The following RCVRN variants were observed in gnomAD, a reference collection of about 807,000 sequenced individuals.
RCVRN encodes the protein recoverin.
RCVRN carries 23 observed loss-of-function variants against 20.4 expected under a neutral mutation model. That is an observed-to-expected ratio of 1.13 (90% CI 0.81 to 1.60). The LOEUF (loss-of-function observed/expected upper bound fraction) is 1.60, where lower values mean the gene tolerates loss of function less well. Among genes scored for constraint, RCVRN ranks in the 40% most tolerant of loss-of-function variants. RCVRN has a pLI of 0.00. For synonymous variants in RCVRN, 105 were observed against 105.9 expected (o/e 0.99, Z 0.05); for missense variants, 254 against 254.2 (o/e 1.00, Z 0.00).
Position 9,897,999 on chromosome 17 carries a change from T to TGTGGGTGTGC in RCVRN, c.*95_*96insGCACACCCAC. ...TGGGGTGGATGTGTGTGTGTGTGTG[T>TGTGGGTGTGC]GCGCGCGCGTGTGTGTGCATGTGTG... is the stretch of plus-strand genomic sequence containing the variant. On this transcript the variant is annotated 3_prime_UTR_variant, in exon 3 of 3. Transcript: ENST00000226193. 1 of 731,044 alleles carries TGTGGGTGTGC rather than the reference T, an allele frequency of 1.4e-6. No homozygotes were observed. The allele number at this position is 731,044 out of a possible 1,614,324, so 45.3% of individuals were successfully genotyped here.
At chr17:9,902,217 A>T (rs932531534) in intron 1 of RCVRN, among the ~76,000 whole-genome samples, 1 of 151,814 alleles carries the variant, frequency 6.6e-6, no homozygotes, top group African/African-American at 2.4e-5. Flanking sequence ...CACTCTGAAG[A>T]CTTAGTCCCT....
chr17:9,903,430 C>T (rs1252661631), intron 1 of RCVRN, among the ~76,000 whole-genome samples: 4 of 152,202 alleles, frequency 2.6e-5, no homozygotes, highest in South Asian at 2.1e-4. Flanking sequence ...AGCCACGCCG[C>T]GCGTGGGAAG....
At position 9,896,410 on chromosome 17, in the gene RCVRN, TG is replaced by T. The variant is rs1450698928; in HGVS notation, c.*1684del. The T allele has an allele frequency of 6.6e-6, 1 of 152,200 alleles. No homozygotes were observed. The highest frequency in any genetic ancestry group is 1.5e-5 in the Non-Finnish European group (1 of 68,060). The allele number at this position is 152,200 out of a possible 1,614,324, so 9.4% of individuals were successfully genotyped here. A position where few individuals can be genotyped will look rare whatever the true frequency, so the allele number is the denominator to read the frequency against. ...GATTGTGTCATCTCTGTGGCTAAAG[TG>T]GGGTCTGGAGGCATCACCACAATAC... On this transcript the variant is annotated 3_prime_UTR_variant, in exon 3 of 3. Transcript: ENST00000226193.
chr17:9,900,924 G>A, intron 2 of RCVRN, 65 bp downstream of exon 2: 2 of 979,408 alleles, frequency 2.0e-6, no homozygotes, highest in Non-Finnish European at 3.2e-6. Flanking sequence ...AATAAATCTT[G>A]TTGGGATTTC....
In RCVRN at chr17:9,904,310, A is replaced by G. The variant is rs2067353625; in HGVS notation, c.381+490T>C. On this transcript the variant is annotated intron_variant, in intron 1 of 2. Transcript: ENST00000226193. This position sits in a 1 kb window ranked among gnomAD's most constrained non-coding sequence, Gnocchi z 5.8. ...TGTCTAGGGCACTCACCATGAGTGG[A>G]GCTTGCAGGACTGGGAGTTGCTCTG... Among the ~76,000 whole-genome samples the G allele has an allele frequency of 6.6e-6, 1 of 152,220 alleles. No homozygotes were observed. Among genetic ancestry groups the G allele is most frequent in the Non-Finnish European group, 1.5e-5 (1 of 68,044 alleles).
chr17:9,900,295 C>T (rs76717417), intron 2 of RCVRN, among the ~76,000 whole-genome samples: 1 of 152,272 alleles, frequency 6.6e-6, no homozygotes, highest in African/African-American at 2.4e-5. Flanking sequence ...CCCCAGCAGC[C>T]GAGTGCTGGA....
rs2152053652 is a variant in RCVRN at position 9,896,990 on chromosome 17, C to T, written c.*1105G>A. On this transcript the variant is annotated 3_prime_UTR_variant, in exon 3 of 3. Coordinates refer to ENST00000226193, the MANE Select transcript of RCVRN (RefSeq NM_002903.3). ...TCACTGGATCTGGTCCTCTCCATCC[C>T]ATTGCCTTTCCCCTGGCCCAGGCCA... is the stretch of plus-strand genomic sequence containing the variant. 6.6e-6 allele frequency: 1 copy of T among 152,526 alleles called. No individual in the cohort carries two copies. Among genetic ancestry groups the T allele is most frequent in the East Asian group, 1.9e-4 (1 of 5,154 alleles). 9.4% of individuals were successfully genotyped at this position (152,526 alleles called of 1,614,324 possible). A position where few individuals can be genotyped will look rare whatever the true frequency, so the allele number is the denominator to read the frequency against.
rs8081471 is a variant in RCVRN, at chr17:9,899,666, C to T, written c.493+1323G>A. ...AGTGCTCAAAGGTGAGGGGCCAATCCGGGCCGATGAGGGAAAGGTGGGTAA... is the reference window on the plus strand; with the variant it reads ...AGTGCTCAAAGGTGAGGGGCCAATCTGGGCCGATGAGGGAAAGGTGGGTAA... On this transcript the variant is annotated intron_variant, in intron 2 of 2. Transcript: ENST00000226193. This position sits in a 1 kb window ranked among gnomAD's most constrained non-coding sequence, Gnocchi z 4.6. Among the ~76,000 whole-genome samples, 2 of 151,916 alleles carry T rather than the reference C, an allele frequency of 1.3e-5. No individual in the cohort carries two copies. Among genetic ancestry groups the T allele is most frequent in the Non-Finnish European group, 2.9e-5 (2 of 67,978 alleles).
At chr17:9,901,684 G>A (rs986496363) in intron 1 of RCVRN, among the ~76,000 whole-genome samples, 1 of 152,334 alleles carries the variant, frequency 6.6e-6, no homozygotes, top group East Asian at 1.9e-4. Flanking sequence ...CATCTGTGCA[G>A]GGCCTTGGGC....
Position 9,897,780 on chromosome 17 carries a change from A to G in RCVRN, c.*315T>C. On this transcript the variant is annotated 3_prime_UTR_variant, in exon 3 of 3. Transcript: ENST00000226193. ...ACAAAGGAGCTTACAGCGGGGTGAC[A>G]CTTAGGACTCCTATGGCCTAATCCT... 3.7e-6 allele frequency: 1 copy of G among 266,838 alleles called. No individual in the cohort carries two copies. Among genetic ancestry groups the G allele is most frequent in the Non-Finnish European group, 7.1e-6 (1 of 140,364 alleles). The allele number at this position is 266,838 out of a possible 1,614,324, so 16.5% of individuals were successfully genotyped here.
chr17:9,901,796 A>G (rs1319407497), intron 1 of RCVRN, among the ~76,000 whole-genome samples: 1 of 152,198 alleles, frequency 6.6e-6, no homozygotes, highest in East Asian at 1.9e-4. Flanking sequence ...AAGACTGCAA[A>G]AATAATCAAA....
chr17:9,902,171 T>C (rs1019561194), intron 1 of RCVRN, among the ~76,000 whole-genome samples: 10 of 151,126 alleles, frequency 6.6e-5, no homozygotes, highest in African/African-American at 9.7e-5. Context: ...TGAGTATCAA[T>C]TTGTAGGCTT....
chr17:9,898,251 G>T, intron 2 of RCVRN, 47 bp from the exon 3 acceptor site: 1 of 1,194,428 alleles, frequency 8.4e-7, no homozygotes, highest in Non-Finnish European at 1.3e-6. Flanking sequence ...AGTCAGGATT[G>T]ATAGCCAAGT....
chr17:9,901,338 T>G (rs549455914), intron 1 of RCVRN: 1 of 383,402 alleles, frequency 2.6e-6, no homozygotes, highest in Non-Finnish European at 4.7e-6. Context: ...TAAACCAGAA[T>G]AAACAAGCAG....
Position 9,904,691 on chromosome 17 carries a change from C to T in RCVRN, c.381+109G>A, listed in dbSNP as rs541212634. 30 of 1,293,158 alleles carry T rather than the reference C, an allele frequency of 2.3e-5. No homozygotes were observed. In the East Asian group the frequency reaches 7.0e-4, roughly 30 times the overall value. 80.1% of individuals were successfully genotyped at this position (1,293,158 alleles called of 1,614,324 possible). On this transcript the variant is annotated intron_variant, in intron 1 of 2. Coordinates refer to ENST00000226193, the MANE Select transcript of RCVRN (RefSeq NM_002903.3). The surrounding 1 kb of genome is among the most constrained non-coding windows in gnomAD (Gnocchi z 5.8). ...CGCTCTCAGAGCCAGTGGCCCGCAT[C>T]CCCCGCTCCACCCACAGATCCACTC...
rs116630667 is a variant in RCVRN, at chr17:9,896,345, C to T, written c.*1750G>A. The T allele has an allele frequency of 5.7e-3, 863 of 152,278 alleles. 7 individuals carry two copies. The highest frequency in any genetic ancestry group is 0.02 in the African/African-American group (819 of 41,546). The allele number at this position is 152,278 out of a possible 1,614,324, so 9.4% of individuals were successfully genotyped here. A position where few individuals can be genotyped will look rare whatever the true frequency, so the allele number is the denominator to read the frequency against. ...CACGGTTCATAAGTGTTTATTCTCA[C>T]GTTTGCTCTCCACACAGAGGAGTGC... On this transcript the variant is annotated 3_prime_UTR_variant, in exon 3 of 3. Transcript: ENST00000226193.
chr17:9,900,148 C>T (rs1417078946), intron 2 of RCVRN, among the ~76,000 whole-genome samples: 2 of 152,190 alleles, frequency 1.3e-5, no homozygotes, highest in Non-Finnish European at 2.9e-5. Context: ...TGCCAATCCC[C>T]ACTGCTTGTA....
Position 9,898,055 on chromosome 17 carries a change from G to A in RCVRN, c.*40C>T. 8 of 1,378,072 alleles carry A rather than the reference G, an allele frequency of 5.8e-6. No individual in the cohort carries two copies. In the South Asian group the frequency reaches 9.3e-5, roughly 16 times the overall value. 85.4% of individuals were successfully genotyped at this position (1,378,072 alleles called of 1,614,324 possible). On this transcript the variant is annotated 3_prime_UTR_variant, in exon 3 of 3. Coordinates refer to ENST00000226193, the MANE Select transcript of RCVRN (RefSeq NM_002903.3). Reference sequence around the variant, plus strand: ...GTGCACAGGCGCTCACGGGTGTCATGTGAGTGGTAGGTGGAGGGAGGACAG... The same window carrying A: ...GTGCACAGGCGCTCACGGGTGTCATATGAGTGGTAGGTGGAGGGAGGACAG...
At chr17:9,901,138 C>A (rs747089575) in intron 1 of RCVRN, 38 bp from the exon 2 acceptor site, 4 of 1,203,952 alleles carry the variant, frequency 3.3e-6, no homozygotes, top group Non-Finnish European at 4.8e-6. Flanking sequence ...TTAGGAGGAA[C>A]TTTAAGGGGC....
Sources: gnomAD v4.1 joint callset for allele counts (sites outside exome capture counted in the v4.1 genomes callset) on GRCh38, gnomAD v4.1.1 for gene constraint, Gnocchi (gnomAD v3.1) non-coding constraint, MANE v1.5 for transcripts, NCBI Gene and HGNC (gene_info 2026-07-23, HGNC 2026-07-21) for gene names.